Variants in VPS35 observed in about 807,000 individuals in gnomAD.
VPS35 encodes the protein vacuolar protein sorting-associated protein 35.
In VPS35, 21 loss-of-function variants were observed where a neutral mutation model predicts 98.1. The ratio of observed to expected loss-of-function variants is 0.21; its 90% CI spans 0.15 to 0.31. VPS35 has a LOEUF of 0.31. Ranked by LOEUF, VPS35 falls within the 10% of genes least tolerant of loss-of-function variation. The pLI is 1.00. For missense variants in VPS35, 554 were observed against 950.8 expected, an observed-to-expected ratio of 0.58 and a Z score of 5.49; for synonymous variants, 268 against 318.2, an observed-to-expected ratio of 0.84 and a Z score of 1.68.
intron 6 of VPS35, among the ~76,000 whole-genome samples, chr16:46,678,270 G>A (rs1405294320): frequency 6.8e-6 from 1 of 147,162 alleles, no homozygotes; most frequent in African/African-American, 2.5e-5. Flanking sequence ...GAATTGTCTT[G>A]GGCCATACAT....
Position 46,671,733 on chromosome 16 carries a change from C to T in VPS35, c.1496G>A (p.Arg499His), listed in dbSNP as rs780577406. 38 of 1,614,146 alleles carry T rather than the reference C, an allele frequency of 2.4e-5. No homozygotes were observed. Among genetic ancestry groups the T allele is most frequent in the East Asian group, 2.0e-4 (9 of 44,882 alleles). ...SLVGRFIHLL[R>H]SEDPDQQYLI... is the part of the protein sequence containing the mutation. ...GTACTGCTGGTCAGGGTCCTCAGAG[C>T]GCAGCAGATGAATGAAGCGGCCCAC... The change falls in exon 12 of 17, where the codon CGC (arginine) becomes CAC (histidine). Residue 499 changes from arginine (R) to histidine (H), a missense_variant. Arg to His is a conservative substitution (Grantham distance 29). Coordinates refer to ENST00000299138, the MANE Select transcript of VPS35 (RefSeq NM_018206.6).
intron 13 of VPS35, among the ~76,000 whole-genome samples, chr16:46,666,872 T>C (rs1320995018): frequency 6.6e-6 from 1 of 152,236 alleles, no homozygotes; most frequent in East Asian, 1.9e-4. Context: ...CATCTATCGA[T>C]GGACACTAAG....
intron 8 of VPS35, among the ~76,000 whole-genome samples, chr16:46,675,866 A>C (rs968555447): frequency 1.3e-5 from 2 of 151,968 alleles, no homozygotes; most frequent in Non-Finnish European, 2.9e-5. Context: ...GGAGTTTGAG[A>C]CTAGCCTAGC....
At chr16:46,665,542 C>T (rs536524580) in intron 13 of VPS35, among the ~76,000 whole-genome samples, 1 of 151,216 alleles carries the variant, frequency 6.6e-6, no homozygotes, top group East Asian at 1.9e-4. Flanking sequence ...CTGCAGTGAG[C>T]CGTAATCATA....
intron 13 of VPS35, among the ~76,000 whole-genome samples, chr16:46,664,595 C>T (rs931777686): frequency 6.6e-6 from 1 of 151,308 alleles, no homozygotes; most frequent in Non-Finnish European, 1.5e-5. Flanking sequence ...GATCTCAGCT[C>T]GCCACAACCT....
chr16:46,669,598 T>TG lies in VPS35; in HGVS notation c.1525-547dup, dbSNP rs537542751. Among the ~76,000 whole-genome samples, 150 of 144,526 alleles carry TG rather than the reference T, an allele frequency of 1.0e-3. 2 individuals are homozygous for TG. The Middle Eastern group carries it at 0.021, about 21-fold the overall frequency. The allele number at this position is 144,526 out of a possible 152,430, so 94.8% of individuals were successfully genotyped here. On this transcript the variant is annotated intron_variant, in intron 12 of 16. Coordinates refer to ENST00000299138, the MANE Select transcript of VPS35 (RefSeq NM_018206.6). ...AGGAGAATTGCTTGAACCCAGGAGA[T>TG]GGAGGTTGCAGTAAGCTGGGATCAT...
rs373113084 is a variant in VPS35, at chr16:46,671,802, A to T, written c.1427T>A (p.Val476Glu). 6.2e-7 allele frequency: 1 copy of T among 1,613,944 alleles called. No homozygotes were observed. Among genetic ancestry groups the T allele is most frequent in the Non-Finnish European group, 8.5e-7 (1 of 1,180,002 alleles). ...TLIQDQPDQP[V>E]EDPDPEDFAD... ...AAAATCTTCTGGATCAGGGTCTTCTACAGGTTGATCTGGCTGATCTTGAAT... is the reference window on the plus strand; with the variant it reads ...AAAATCTTCTGGATCAGGGTCTTCTTCAGGTTGATCTGGCTGATCTTGAAT... Residue 476 changes from valine to glutamate, a missense_variant, in exon 12 of 17, where the codon GTA becomes GAA. This residue lies in a region of VPS35 where 254 missense variants were observed against 390.1 expected (regional missense o/e 0.65). Coordinates refer to ENST00000299138, the MANE Select transcript of VPS35 (RefSeq NM_018206.6).
intron 14 of VPS35, 135 bp downstream of exon 14, chr16:46,662,848 C>T: frequency 1.0e-6 from 1 of 956,694 alleles, no homozygotes; most frequent in South Asian, 1.4e-5. Flanking sequence ...TTAACAGGTT[C>T]CATGATGGTG....
chr16:46,667,558 A>C (rs1044078511), intron 13 of VPS35, among the ~76,000 whole-genome samples: 23 of 151,898 alleles, frequency 1.5e-4, no homozygotes, highest in African/African-American at 5.6e-4. Flanking sequence ...TTTTAAACTT[A>C]TTTTTGCTTT....
rs193110624 is a variant in VPS35, at chr16:46,671,871, C to T, written c.1369-11G>A. ...CATTATGGAATCCACCTGTAACATG[C>T]GAGGCACAAGAAACCCACTGAGGTG... is the stretch of plus-strand genomic sequence containing the variant. On this transcript the variant is annotated splice_polypyrimidine_tract_variant and intron_variant, in intron 11 of 16. Coordinates refer to ENST00000299138, the MANE Select transcript of VPS35 (RefSeq NM_018206.6). 52 of 1,611,592 alleles carry T rather than the reference C, an allele frequency of 3.2e-5. No individual in the cohort carries two copies. Among genetic ancestry groups the T allele is most frequent in the East Asian group, 4.5e-5 (2 of 44,862 alleles).
chr16:46,663,004 G>T lies in VPS35; in HGVS notation c.1806C>A (p.Val602=). ...GEIGFENHET[V]AYEFMSQAFS... ...TCACCTGGGACATGAATTCATATGCGACTGTCTCATGATTTTCAAAACCAA... is the reference window on the plus strand; with the variant it reads ...TCACCTGGGACATGAATTCATATGCTACTGTCTCATGATTTTCAAAACCAA... The change falls in exon 14 of 17, where the codon GTC becomes GTA. Residue 602 remains valine, a synonymous_variant. Transcript: ENST00000299138. 1 of 1,614,174 alleles carries T rather than the reference G, an allele frequency of 6.2e-7. No homozygotes were observed.
At position 46,661,306 on chromosome 16, in the gene VPS35, T is replaced by C. The variant is rs1043343893; in HGVS notation, c.2211+412A>G. Among the ~76,000 whole-genome samples the C allele has an allele frequency of 2.6e-5, 4 of 152,172 alleles. No individual in the cohort carries two copies. The highest frequency in any genetic ancestry group is 5.9e-5 in the Non-Finnish European group (4 of 68,024). On this transcript the variant is annotated intron_variant, in intron 16 of 16. Transcript: ENST00000299138. This position sits in a 1 kb window ranked among gnomAD's most constrained non-coding sequence, Gnocchi z 4.3. ...GTGCAATGGCACAGTCTTGGCTCACTGCAGCCTCCACCTCCCAGGTTCAAG... is the reference window on the plus strand; with the variant it reads ...GTGCAATGGCACAGTCTTGGCTCACCGCAGCCTCCACCTCCCAGGTTCAAG...
At chr16:46,688,292 T>C in intron 1 of VPS35, 1 of 986,920 alleles carries the variant, frequency 1.0e-6, no homozygotes, top group South Asian at 4.7e-5. Flanking sequence ...TAAACGCTAA[T>C]AAAATGCAAG....
At chr16:46,666,905 T>A (rs934921131) in intron 13 of VPS35, among the ~76,000 whole-genome samples, 1 of 152,238 alleles carries the variant, frequency 6.6e-6, no homozygotes, top group Non-Finnish European at 1.5e-5. Flanking sequence ...TCTCAGCCAT[T>A]GTGAATAATG....
intron 1 of VPS35, among the ~76,000 whole-genome samples, chr16:46,685,040 T>G (rs1202323049): frequency 2.0e-5 from 3 of 152,222 alleles, no homozygotes; most frequent in African/African-American, 7.2e-5. Context: ...AATCACTTAA[T>G]GGGCACTGGC....
chr16:46,685,357 C>A (rs1286715816), intron 1 of VPS35, among the ~76,000 whole-genome samples: 2 of 152,122 alleles, frequency 1.3e-5, no homozygotes, highest in Non-Finnish European at 2.9e-5. Flanking sequence ...ACATAAAACC[C>A]ACTTCTGAAC....
intron 1 of VPS35, chr16:46,688,842 C>T: frequency 7.1e-7 from 1 of 1,409,914 alleles, no homozygotes; most frequent in Non-Finnish European, 9.2e-7. Context: ...TTAAAGGAGG[C>T]CGCAGGCCTT....
chr16:46,683,310 C>A, intron 2 of VPS35, 198 bp downstream of exon 2: 1 of 609,388 alleles, frequency 1.6e-6, no homozygotes, highest in Non-Finnish European at 2.9e-6. Context: ...AATCCCAAAC[C>A]ATAAATATAC....
chr16:46,662,669 T>C (rs538908338), intron 14 of VPS35, among the ~76,000 whole-genome samples, 187 bp from the exon 15 acceptor site: 1 of 152,144 alleles, frequency 6.6e-6, no homozygotes, highest in Non-Finnish European at 1.5e-5. Flanking sequence ...AAAGTTGCAA[T>C]AAAGAAACTT....
Sources: allele counts gnomAD v4.1 joint callset (sites outside exome capture counted in the v4.1 genomes callset), GRCh38; gene constraint gnomAD v4.1.1; regional missense constraint gnomAD v4.1.1; non-coding constraint Gnocchi (gnomAD v3.1); transcripts MANE v1.5; gene names NCBI Gene and HGNC (gene_info 2026-07-23, HGNC 2026-07-21).